Variants in RGS7 observed in about 807,000 individuals in gnomAD.
The protein encoded by RGS7 is regulator of G-protein signaling 7.
RGS7 carries 27 observed loss-of-function variants against 81.1 expected under a neutral mutation model. The ratio of observed to expected loss-of-function variants is 0.33; its 90% CI spans 0.25 to 0.46. The LOEUF (loss-of-function observed/expected upper bound fraction) is 0.46, where lower values mean the gene tolerates loss of function less well. Among genes scored for constraint, RGS7 ranks in the 20% least tolerant of loss-of-function variants. The pLI is 1.00. For synonymous variants in RGS7, 208 were observed against 207.7 expected (o/e 1.00, Z -0.01); for missense variants, 396 against 607.4 (o/e 0.65, Z 3.66).
intron 3 of RGS7, among the ~76,000 whole-genome samples, chr1:241,014,203 T>C (rs1218376282): frequency 2.6e-5 from 4 of 152,238 alleles, no homozygotes; most frequent in Non-Finnish European, 5.9e-5. Context: ...CCTTTCATTT[T>C]CTACATTTTA....
chr1:241,089,053 CTCTCTCTCTCTATA>C (rs1360617505), intron 3 of RGS7, among the ~76,000 whole-genome samples: 33 of 53,160 alleles, frequency 6.2e-4, no homozygotes, highest in Non-Finnish European at 1.1e-3. Flanking sequence ...CTCTCTCTCT[CTCTCTCTCTCTATA>C]TATATATATA....
At chr1:240,963,935 C>T (rs887207730) in intron 4 of RGS7, among the ~76,000 whole-genome samples, 1 of 152,066 alleles carries the variant, frequency 6.6e-6, no homozygotes, top group Non-Finnish European at 1.5e-5. Flanking sequence ...TCACTTGAAG[C>T]CAGGAGTTTG....
At chr1:241,201,634 T>G (rs568849435) in intron 2 of RGS7, among the ~76,000 whole-genome samples, 1 of 152,288 alleles carries the variant, frequency 6.6e-6, no homozygotes, top group African/African-American at 2.4e-5. Flanking sequence ...TTAATACATA[T>G]ATAAGAACTT....
intron 6 of RGS7, among the ~76,000 whole-genome samples, chr1:240,917,721 C>A (rs1355552887): frequency 6.6e-6 from 1 of 152,104 alleles, no homozygotes; most frequent in Admixed American, 6.6e-5. Flanking sequence ...TAATATAAAA[C>A]AGTTATAAAC....
Position 240,975,329 on chromosome 1 carries a change from G to C in RGS7, c.226+7750C>G, listed in dbSNP as rs549232445. Among the ~76,000 whole-genome samples the C allele has an allele frequency of 3.3e-5, 5 of 152,266 alleles. No homozygotes were observed. In the East Asian group the frequency reaches 9.6e-4, roughly 29 times the overall value. The stretch of plus-strand genomic sequence containing the variant: ...AGGCAGGAGAATAGCTTGAACCTGG[G>C]AGGCAGAGGTTGCAGCAAGCCAAGA... On this transcript the variant is annotated intron_variant, in intron 4 of 18. Transcript: ENST00000440928.
At chr1:241,287,658 C>T (rs145726530) in intron 2 of RGS7, among the ~76,000 whole-genome samples, 3 of 152,254 alleles carry the variant, frequency 2.0e-5, no homozygotes, top group Non-Finnish European at 4.4e-5. Flanking sequence ...TGTCCTGCCT[C>T]GTGTAATGGT....
chr1:240,972,052 C>G (rs1683283658), intron 4 of RGS7, among the ~76,000 whole-genome samples: 1 of 152,120 alleles, frequency 6.6e-6, no homozygotes, highest in East Asian at 1.9e-4. Context: ...GGAAATTGCT[C>G]TAACAAAATG....
intron 1 of RGS7, among the ~76,000 whole-genome samples, 181 bp from the exon 2 acceptor site, chr1:241,356,007 G>A (rs2083539166): frequency 6.6e-6 from 1 of 152,170 alleles, no homozygotes; most frequent in Non-Finnish European, 1.5e-5. Context: ...TCAAGGAATT[G>A]TAAGAAATTA....
intron 4 of RGS7, among the ~76,000 whole-genome samples, chr1:240,976,182 C>T (rs1684036797): frequency 6.6e-6 from 1 of 152,214 alleles, no homozygotes; most frequent in Non-Finnish European, 1.5e-5. Context: ...CAAAATAGCA[C>T]AGGGCTTTCA....
intron 2 of RGS7, among the ~76,000 whole-genome samples, chr1:241,241,772 T>G (rs1171966848): frequency 1.3e-5 from 2 of 152,188 alleles, no homozygotes; most frequent in Admixed American, 1.3e-4. Context: ...GGACCAGCAC[T>G]GGCCATGTTT....
intron 2 of RGS7, among the ~76,000 whole-genome samples, chr1:241,112,415 A>G (rs147153215): frequency 3.3e-5 from 5 of 152,246 alleles, no homozygotes; most frequent in African/African-American, 1.2e-4. Context: ...ATGAAACAAT[A>G]CCATGTTTCT....
chr1:240,826,223 A>G (rs12406358), intron 10 of RGS7, among the ~76,000 whole-genome samples: 136,701 of 152,224 alleles, frequency 0.9, 61,731 homozygotes, highest in African/African-American at 0.98. Flanking sequence ...GCTTTGCTTC[A>G]GCTTCTTTAT....
intron 18 of RGS7, among the ~76,000 whole-genome samples, chr1:240,780,854 C>T (rs1444884425): frequency 6.9e-6 from 1 of 144,718 alleles, no homozygotes; most frequent in Non-Finnish European, 1.5e-5. Flanking sequence ...GTGGAGGTTG[C>T]AGTGAGTCGA....
At chr1:240,959,551 C>T (rs1354643439) in intron 4 of RGS7, among the ~76,000 whole-genome samples, 1 of 152,192 alleles carries the variant, frequency 6.6e-6, no homozygotes, top group African/African-American at 2.4e-5. Context: ...CACTAGGAAA[C>T]TTTCAGCTCC....
intron 3 of RGS7, among the ~76,000 whole-genome samples, chr1:241,063,855 T>A (rs951352961): frequency 2.0e-5 from 3 of 152,082 alleles, no homozygotes; most frequent in Non-Finnish European, 4.4e-5. Flanking sequence ...ATGTAGAGGA[T>A]CTTGTCAGGA....
At chr1:241,082,704 T>A (rs1189753031) in intron 3 of RGS7, among the ~76,000 whole-genome samples, 1 of 152,168 alleles carries the variant, frequency 6.6e-6, no homozygotes, top group Non-Finnish European at 1.5e-5. Flanking sequence ...TTCAAAATAG[T>A]TAGAAGAGAA....
rs559224796 is a variant in RGS7, at chr1:241,342,198, T to G, written c.78+13501A>C. On this transcript the variant is annotated intron_variant, in intron 2 of 18. Coordinates refer to ENST00000440928, the MANE Select transcript of RGS7 (RefSeq NM_001364886.1). ...CTCTGGTACTCTTCAAGTCTTATAC[T>G]GCCTGGATATTAGTCAGCTAGAAAT... Among the ~76,000 whole-genome samples the G allele has an allele frequency of 3.9e-5, 6 of 152,266 alleles. No homozygotes were observed. The South Asian group carries it at 1.0e-3, about 26-fold the overall frequency.
At chr1:241,018,749 T>C (rs2059396419) in intron 3 of RGS7, among the ~76,000 whole-genome samples, 1 of 152,078 alleles carries the variant, frequency 6.6e-6, no homozygotes, top group Admixed American at 6.6e-5. Context: ...CCCTCCCTCC[T>C]CAAGGGGTAG....
chr1:241,045,114 C>T (rs2060847162), intron 3 of RGS7, among the ~76,000 whole-genome samples: 1 of 152,130 alleles, frequency 6.6e-6, no homozygotes, highest in South Asian at 2.1e-4. Flanking sequence ...ATTATCGTCT[C>T]ATCTTTGATC....
Sources: allele counts gnomAD v4.1 joint callset (sites outside exome capture counted in the v4.1 genomes callset), GRCh38; gene constraint gnomAD v4.1.1; transcripts MANE v1.5; gene names NCBI Gene and HGNC (gene_info 2026-07-23, HGNC 2026-07-21).